DEF6: variants seen among roughly 807,000 people sequenced by gnomAD.
DEF6 encodes the protein differentially expressed in FDCP 6 homolog.
DEF6 carries 32 observed loss-of-function variants against 80.5 expected under a neutral mutation model. The observed-to-expected ratio is 0.40, with a 90% CI of 0.30 to 0.53. DEF6 has a LOEUF of 0.53. DEF6 is among the 20% of genes least tolerant of loss of function. The pLI is 0.57. For synonymous variants in DEF6, 300 were observed against 337.9 expected (o/e 0.89, Z 1.23); for missense variants, 575 against 818.7 (o/e 0.70, Z 3.63).
intron 1 of DEF6, among the ~76,000 whole-genome samples, chr6:35,304,737 A>G (rs897396242): frequency 3.9e-5 from 6 of 152,126 alleles, no homozygotes; most frequent in African/African-American, 1.4e-4. Flanking sequence ...CAAGGTTGAG[A>G]TTAGAGTCAT....
In DEF6 at chr6:35,312,496, C is replaced by A. The variant is rs750935944; in HGVS notation, c.618C>A (p.Ile206=). The change falls in exon 4 of 11, where the codon ATC becomes ATA. Residue 206 remains isoleucine (I), a synonymous_variant. Transcript: ENST00000316637. This position sits in a 1 kb window ranked among gnomAD's most constrained non-coding sequence, Gnocchi z 6.6. ...GVGRDTLSMA[I]HEVYQELIQD... The stretch of plus-strand genomic sequence containing the variant: ...GCCGGGACACCCTCAGCATGGCCAT[C>A]CACGAGGTCTACCAGGAGCTCATCC... 3.1e-5 allele frequency: 50 copies of A among 1,614,022 alleles called. 1 individual carries two copies. Among genetic ancestry groups the A allele is most frequent in the Non-Finnish European group, 4.2e-5 (49 of 1,180,046 alleles).
intron 2 of DEF6, 127 bp downstream of exon 2, chr6:35,309,937 C>A: frequency 8.8e-7 from 1 of 1,141,120 alleles, no homozygotes. Context: ...CTGCTCTGTC[C>A]GTGACTGCTG....
At chr6:35,300,146 T>C (rs1033807285) in intron 1 of DEF6, among the ~76,000 whole-genome samples, 6 of 152,202 alleles carry the variant, frequency 3.9e-5, no homozygotes, top group African/African-American at 1.4e-4. Flanking sequence ...TTCAGCCTCC[T>C]GAGTAGCTGG....
At chr6:35,307,658 G>A (rs964941717) in intron 1 of DEF6, among the ~76,000 whole-genome samples, 4 of 152,202 alleles carry the variant, frequency 2.6e-5, no homozygotes, top group Non-Finnish European at 4.4e-5. Context: ...AATGGCTTAA[G>A]GGAGAGGGGA....
intron 5 of DEF6, among the ~76,000 whole-genome samples, chr6:35,315,513 G>A (rs983059867): frequency 6.6e-6 from 1 of 151,986 alleles, no homozygotes; most frequent in Middle Eastern, 3.2e-3. Context: ...GACAGAGATT[G>A]CACCAAATCT....
At position 35,309,700 on chromosome 6, in the gene DEF6, C is replaced by T; in HGVS notation, c.127C>T (p.His43Tyr). 6.2e-7 allele frequency: 1 copy of T among 1,614,022 alleles called. No individual in the cohort carries two copies. Among genetic ancestry groups the T allele is most frequent in the Non-Finnish European group, 8.5e-7 (1 of 1,180,010 alleles). Residue 43 changes from histidine (H) to tyrosine (Y), a missense_variant, in exon 2 of 11, where the codon CAC (histidine) becomes TAC (tyrosine). Transcript: ENST00000316637. The stretch of plus-strand genomic sequence containing the variant: ...GTCCCACAACCTGTACACGGTCCTG[C>T]ACATCCCCCATGACCCCGTGGCCCT... ...VLSHNLYTVLHIPHDPVALEE... is the reference protein window; with the variant it reads ...VLSHNLYTVLYIPHDPVALEE...
At chr6:35,320,819 A>G in intron 9 of DEF6, 65 bp from the exon 10 acceptor site, 1 of 1,463,944 alleles carries the variant, frequency 6.8e-7, no homozygotes, top group East Asian at 2.4e-5. Context: ...GCGAACCTGA[A>G]AAGATCAAGA....
rs200310320 is a variant in DEF6 at position 35,319,515 on chromosome 6, C to G, written c.1216-9C>G. The G allele has an allele frequency of 8.0e-5, 128 of 1,605,426 alleles. No homozygotes were observed. In the Admixed American group the frequency reaches 9.7e-4, roughly 12 times the overall value. ...CTGGCTCTTGGTCCACCACCTCCCCCCTCCACAGGCCCGGGCCTCCATGCA... is the reference window on the plus strand; with the variant it reads ...CTGGCTCTTGGTCCACCACCTCCCCGCTCCACAGGCCCGGGCCTCCATGCA... On this transcript the variant is annotated splice_polypyrimidine_tract_variant and intron_variant, in intron 7 of 10. Transcript: ENST00000316637. The surrounding 1 kb of genome is among the most constrained non-coding windows in gnomAD (Gnocchi z 4.5).
At chr6:35,305,911 A>G (rs1791383628) in intron 1 of DEF6, among the ~76,000 whole-genome samples, 1 of 150,424 alleles carries the variant, frequency 6.6e-6, no homozygotes, top group Non-Finnish European at 1.5e-5. Flanking sequence ...TTTAATTTTT[A>G]GATGGAGTTT....
chr6:35,310,681 G>T (rs181798723), intron 3 of DEF6, 37 bp downstream of exon 3: 16,650 of 1,612,396 alleles, frequency 0.01, 112 homozygotes, highest in Non-Finnish European at 0.013. Flanking sequence ...TGAATCACTT[G>T]GGACCAGACC....
chr6:35,309,741 AGAT>A lies in DEF6; in HGVS notation c.177_179del (p.Asp60del). ...CCGTGGCCCTGGAGGAACACTTCCGAGATGATGATGACGGCCCTGTGTCCAGCC... is the reference window on the plus strand; with the variant it reads ...CCGTGGCCCTGGAGGAACACTTCCGAGATGATGACGGCCCTGTGTCCAGCC... On this transcript the variant is annotated inframe_deletion, in exon 2 of 11. Coordinates refer to ENST00000316637, the MANE Select transcript of DEF6 (RefSeq NM_022047.4). 3 of 1,613,952 alleles carry A rather than the reference AGAT, an allele frequency of 1.9e-6. No individual in the cohort carries two copies. The highest frequency in any genetic ancestry group is 1.7e-6 in the Non-Finnish European group (2 of 1,179,952).
chr6:35,310,012 T>C lies in DEF6; in HGVS notation c.237+202T>C, dbSNP rs181682549. ...CCTGTCCCCCTCAATTCACCTTCAATGTCCCTCATCTCTAATGAGGTGGGC... is the reference window on the plus strand; with the variant it reads ...CCTGTCCCCCTCAATTCACCTTCAACGTCCCTCATCTCTAATGAGGTGGGC... On this transcript the variant is annotated intron_variant, in intron 2 of 10. Transcript: ENST00000316637. Among the ~76,000 whole-genome samples the C allele has an allele frequency of 1.2e-3, 170 of 146,544 alleles. 2 individuals are homozygous for C. The highest frequency in any genetic ancestry group is 3.5e-3 in the African/African-American group (141 of 40,012).
chr6:35,308,231 G>T (rs1402275544), intron 1 of DEF6, among the ~76,000 whole-genome samples: 1 of 152,106 alleles, frequency 6.6e-6, no homozygotes, highest in Non-Finnish European at 1.5e-5. Flanking sequence ...ACTAGAAATG[G>T]GGTATAAAAA....
chr6:35,298,030 C>A, intron 1 of DEF6, 78 bp downstream of exon 1: 1 of 1,254,618 alleles, frequency 8.0e-7, no homozygotes, highest in Non-Finnish European at 1.1e-6. Flanking sequence ...CAGGTGTGGA[C>A]ACTGTGCCAC....
At chr6:35,298,081 C>G in intron 1 of DEF6, 129 bp downstream of exon 1, 1 of 839,626 alleles carries the variant, frequency 1.2e-6, no homozygotes, top group African/African-American at 1.7e-5. Flanking sequence ...GGCCTGGGGT[C>G]GGGGGGCTGG....
intron 1 of DEF6, 127 bp downstream of exon 1, chr6:35,298,079 G>A (rs576478114): frequency 7.1e-5 from 61 of 855,086 alleles, no homozygotes; most frequent in South Asian, 1.1e-4. Flanking sequence ...CGGGCCTGGG[G>A]TCGGGGGGCT....
intron 5 of DEF6, 31 bp from the exon 6 acceptor site, chr6:35,317,860 A>G: frequency 6.3e-7 from 1 of 1,599,176 alleles, no homozygotes; most frequent in Non-Finnish European, 8.5e-7. Flanking sequence ...CAGTGAGGCC[A>G]GCCTGGCTGC....
intron 2 of DEF6, 67 bp downstream of exon 2, chr6:35,309,877 A>G: frequency 6.4e-7 from 1 of 1,573,958 alleles, no homozygotes; most frequent in Non-Finnish European, 8.7e-7. Context: ...CAGCAGCCTA[A>G]TACCTTGCCA....
At chr6:35,315,439 T>C (rs906550892) in intron 5 of DEF6, among the ~76,000 whole-genome samples, 2 of 133,596 alleles carry the variant, frequency 1.5e-5, no homozygotes, top group African/African-American at 2.8e-5. Flanking sequence ...TTGAGGTCTT[T>C]TGTAGTTCCG....
Sources: gnomAD v4.1 joint callset for allele counts (sites outside exome capture counted in the v4.1 genomes callset) on GRCh38, gnomAD v4.1.1 for gene constraint, Gnocchi (gnomAD v3.1) non-coding constraint, MANE v1.5 for transcripts, NCBI Gene and HGNC (gene_info 2026-07-23, HGNC 2026-07-21) for gene names.